RYR1: variants seen among roughly 807,000 people sequenced by gnomAD.
RYR1 encodes the protein ryanodine receptor 1.
RYR1 carries 342 observed loss-of-function variants against 583.5 expected under a neutral mutation model. That is an observed-to-expected ratio of 0.59 (90% CI 0.54 to 0.64). The LOEUF (loss-of-function observed/expected upper bound fraction) is 0.64, where lower values mean the gene tolerates loss of function less well. RYR1 is among the 30% of genes least tolerant of loss of function. The probability of loss-of-function intolerance (pLI) is 0.00; values close to 1 mark genes in which losing one functional copy is unlikely to be tolerated. For missense variants in RYR1, 6,032 were observed against 6,917.2 expected (o/e 0.87, Z 4.54); for synonymous variants, 2,791 against 2,822.5 (o/e 0.99, Z 0.35).
At chr19:38,494,315 G>C in intron 38 of RYR1, 37 bp from the exon 39 acceptor site, 1 of 1,610,692 alleles carries the variant, frequency 6.2e-7, no homozygotes, top group East Asian at 2.2e-5. Flanking sequence ...GACCTGCCCT[G>C]CATGGTGCTC....
At chr19:38,564,869 C>A in intron 90 of RYR1, 90 bp from the exon 91 acceptor site, 1 of 1,526,502 alleles carries the variant, frequency 6.6e-7, no homozygotes, top group Non-Finnish European at 8.8e-7. Flanking sequence ...GCGCCTGCCG[C>A]GGTGACCCCT....
chr19:38,516,526 A>G (rs185268695), intron 65 of RYR1, among the ~76,000 whole-genome samples: 61 of 152,306 alleles, frequency 4.0e-4, no homozygotes, highest in African/African-American at 1.4e-3. Context: ...GTACTTTGGG[A>G]GGCCAAGGTA....
At chr19:38,517,068 G>T (rs1173145079) in intron 65 of RYR1, among the ~76,000 whole-genome samples, 1 of 152,138 alleles carries the variant, frequency 6.6e-6, no homozygotes, top group Non-Finnish European at 1.5e-5. Flanking sequence ...CAGCAGGGGT[G>T]AGGGGAATGG....
chr19:38,572,929 A>C, intron 95 of RYR1, among the ~76,000 whole-genome samples: 1 of 112,088 alleles, frequency 8.9e-6, no homozygotes, highest in Non-Finnish European at 1.8e-5. Context: ...CCCTCTATCT[A>C]TGCACCACAT....
At chr19:38,462,473 A>C (rs1054423433) in intron 20 of RYR1, among the ~76,000 whole-genome samples, 5 of 134,338 alleles carry the variant, frequency 3.7e-5, no homozygotes, top group South Asian at 2.3e-4. Context: ...TGGGCTGTCC[A>C]CTCGGCCTCC....
chr19:38,470,093 G>A (rs1011215116), intron 27 of RYR1, among the ~76,000 whole-genome samples: 1 of 151,456 alleles, frequency 6.6e-6, no homozygotes, highest in Non-Finnish European at 1.5e-5. Context: ...TTGAACACGG[G>A]AGATGGAGGT....
intron 89 of RYR1, among the ~76,000 whole-genome samples, chr19:38,550,849 G>A (rs578254965): frequency 1.9e-4 from 29 of 152,134 alleles, no homozygotes; most frequent in African/African-American, 7.0e-4. Context: ...ATCCATTGAT[G>A]ATTCTTGCCT....
chr19:38,453,095 G>C, intron 13 of RYR1, 81 bp downstream of exon 13: 2 of 1,464,002 alleles, frequency 1.4e-6, no homozygotes, highest in Admixed American at 1.9e-5. Flanking sequence ...GGCGCTGGGC[G>C]GGGCAGGGCC....
Position 38,536,748 on chromosome 19 carries a change from A to T in RYR1, c.11591-2A>T. The T allele has an allele frequency of 6.2e-7, 1 of 1,613,474 alleles. No homozygotes were observed. Among genetic ancestry groups the T allele is most frequent in the Non-Finnish European group, 8.5e-7 (1 of 1,179,858 alleles). Reference sequence around the variant, plus strand: ...CTCCTCCCATCCTGTTGGCTGCCCCAGTCATCAATCGCCAGAACGGTAATT... The same window carrying T: ...CTCCTCCCATCCTGTTGGCTGCCCCTGTCATCAATCGCCAGAACGGTAATT... On this transcript the variant is annotated splice_acceptor_variant, in intron 82 of 105. Coordinates refer to ENST00000359596, the MANE Select transcript of RYR1 (RefSeq NM_000540.3). LOFTEE classifies it high-confidence loss of function.
intron 36 of RYR1, 117 bp from the exon 37 acceptor site, chr19:38,490,504 C>T (rs1260246268): frequency 3.7e-6 from 3 of 818,594 alleles, no homozygotes; most frequent in African/African-American, 1.7e-5. Flanking sequence ...TCTTCATTAA[C>T]TCACACTTCG....
intron 65 of RYR1, among the ~76,000 whole-genome samples, chr19:38,517,013 G>C (rs541978622): frequency 1.3e-5 from 2 of 152,278 alleles, no homozygotes; most frequent in Admixed American, 1.3e-4. Flanking sequence ...ACAAGGCGGG[G>C]AGACAGGGTG....
Position 38,525,475 on chromosome 19 carries a change from C to T in RYR1, c.10599C>T (p.Ile3533=), listed in dbSNP as rs1971427286. The T allele has an allele frequency of 6.2e-7, 1 of 1,614,016 alleles. No homozygotes were observed. Among genetic ancestry groups the T allele is most frequent in the Non-Finnish European group, 8.5e-7 (1 of 1,179,964 alleles). ...GTGCGCCCACCGACCAAGACCTCAT[C>T]ACGCTGGCCAAGACCCGTTACGCCC... The part of the protein sequence containing the change: ...NMCAPTDQDL[I]TLAKTRYALK... The change falls in exon 71 of 106, where the codon ATC becomes ATT. Residue 3533 remains isoleucine, a synonymous_variant. Coordinates refer to ENST00000359596, the MANE Select transcript of RYR1 (RefSeq NM_000540.3).
chr19:38,559,540 G>A (rs1221651522), intron 89 of RYR1, among the ~76,000 whole-genome samples: 1 of 151,898 alleles, frequency 6.6e-6, no homozygotes, highest in East Asian at 1.9e-4. Context: ...GGCCAGAGGT[G>A]GATTTTTGAG....
At chr19:38,456,879 T>C (rs1357977960) in intron 16 of RYR1, among the ~76,000 whole-genome samples, 1 of 151,062 alleles carries the variant, frequency 6.6e-6, no homozygotes, top group East Asian at 2.0e-4. Flanking sequence ...ACCCTGTCTC[T>C]ACTAAAAATA....
chr19:38,586,080 G>A lies in RYR1; in HGVS notation c.14869-11G>A. 1 of 1,614,116 alleles carries A rather than the reference G, an allele frequency of 6.2e-7. No homozygotes were observed. Among genetic ancestry groups the A allele is most frequent in the Non-Finnish European group, 8.5e-7 (1 of 1,180,000 alleles). Reference sequence around the variant, plus strand: ...GTGGGCCTCCACTCTGATGTCTCTTGCCACTCACAGACCAAGTGCTTCATC... The same window carrying A: ...GTGGGCCTCCACTCTGATGTCTCTTACCACTCACAGACCAAGTGCTTCATC... On this transcript the variant is annotated splice_polypyrimidine_tract_variant and intron_variant, in intron 103 of 105. Coordinates refer to ENST00000359596, the MANE Select transcript of RYR1 (RefSeq NM_000540.3).
intron 67 of RYR1, among the ~76,000 whole-genome samples, chr19:38,520,028 C>T (rs866987613): frequency 2.7e-5 from 4 of 147,240 alleles, no homozygotes; most frequent in Admixed American, 6.8e-5. Flanking sequence ...TAGATTGTGT[C>T]GATTTCTTTG....
Position 38,527,014 on chromosome 19 carries a change from CG to C in RYR1, c.10651del (p.Glu3551AsnfsTer88). Reference protein sequence around the residue: ...YALKDTDEEVREFLHNNLHLQ... With the variant: ...YALKDTDEEVXEFLHNNLHLQ... The stretch of plus-strand genomic sequence containing the variant: ...CCAGAAAGACACAGATGAGGAGGTC[CG>C]GGAATTTCTGCACAACAACCTTCAC... On this transcript the variant is annotated frameshift_variant, in exon 72 of 106. Transcript: ENST00000359596. LOFTEE classifies it high-confidence loss of function. The C allele has an allele frequency of 6.2e-7, 1 of 1,613,912 alleles. No homozygotes were observed. Among genetic ancestry groups the C allele is most frequent in the South Asian group, 1.1e-5 (1 of 91,070 alleles).
Position 38,485,880 on chromosome 19 carries a change from G to C in RYR1, c.5225G>C (p.Arg1742Pro). Reference sequence around the variant, plus strand: ...ATCGTGCCCCTCACGCCTGAGACCCGCGCCATCACGCTCTTCCCTCCTGGA... The same window carrying C: ...ATCGTGCCCCTCACGCCTGAGACCCCCGCCATCACGCTCTTCCCTCCTGGA... ...EYIVPLTPETRAITLFPPGRS... is the reference protein window; with the variant it reads ...EYIVPLTPETPAITLFPPGRS... Residue 1742 changes from arginine (R) to proline (P), a missense_variant, in exon 34 of 106, where the codon CGC becomes CCC. Physicochemically the swap from Arg to Pro is moderately radical, Grantham distance 103. Transcript: ENST00000359596. The C allele has an allele frequency of 6.2e-7, 1 of 1,613,620 alleles. No homozygotes were observed. The highest frequency in any genetic ancestry group is 8.5e-7 in the Non-Finnish European group (1 of 1,179,952).
At chr19:38,457,773 C>T in intron 17 of RYR1, 143 bp downstream of exon 17, 1 of 883,998 alleles carries the variant, frequency 1.1e-6, no homozygotes, top group South Asian at 1.4e-5. Context: ...TCCACTGTGG[C>T]CCCACTCTCC....
Sources: gnomAD v4.1 joint callset for allele counts (sites outside exome capture counted in the v4.1 genomes callset) on GRCh38, gnomAD v4.1.1 for gene constraint, MANE v1.5 for transcripts, NCBI Gene and HGNC (gene_info 2026-07-23, HGNC 2026-07-21) for gene names.